Variants in XRCC4 observed in about 807,000 individuals in gnomAD.
XRCC4 encodes the protein X-ray repair cross complementing 4, also known as DNA repair protein XRCC4.
In XRCC4, 28 loss-of-function variants were observed where a neutral mutation model predicts 39.1. That is an observed-to-expected ratio of 0.72 (90% CI 0.53 to 0.98). XRCC4 has a LOEUF of 0.98. Among genes scored for constraint, XRCC4 ranks in the 50% least tolerant of loss-of-function variants. The probability of loss-of-function intolerance (pLI) is 0.00; values close to 1 mark genes in which losing one functional copy is unlikely to be tolerated. For missense variants in XRCC4, 350 were observed against 376.4 expected (o/e 0.93, Z 0.58); for synonymous variants, 123 against 126.4 (o/e 0.97, Z 0.18).
intron 7 of XRCC4, among the ~76,000 whole-genome samples, chr5:83,331,988 T>C (rs772255366): frequency 1.3e-4 from 20 of 152,074 alleles, no homozygotes; most frequent in Non-Finnish European, 2.5e-4. Flanking sequence ...CTAATAAACC[T>C]GGGACTGATG....
chr5:83,139,095 C>G (rs962464989), intron 3 of XRCC4, among the ~76,000 whole-genome samples: 1 of 152,108 alleles, frequency 6.6e-6, no homozygotes, highest in Admixed American at 6.5e-5. Context: ...AGTTGTCCCA[C>G]TAAAGATCTT....
chr5:83,155,970 C>G (rs1748939368), intron 3 of XRCC4, among the ~76,000 whole-genome samples: 1 of 152,050 alleles, frequency 6.6e-6, no homozygotes, highest in African/African-American at 2.4e-5. Context: ...CTCTCACTCT[C>G]AAGCCTGGTA....
chr5:83,079,260 G>A (rs1744824305), intron 1 of XRCC4, among the ~76,000 whole-genome samples: 1 of 152,200 alleles, frequency 6.6e-6, no homozygotes, highest in Non-Finnish European at 1.5e-5. Flanking sequence ...AAACACATAT[G>A]CCAATAAATG....
chr5:83,157,796 C>A (rs893984630), intron 3 of XRCC4, among the ~76,000 whole-genome samples: 6 of 151,726 alleles, frequency 4.0e-5, no homozygotes, highest in Non-Finnish European at 7.4e-5. Context: ...GATGATCAAT[C>A]CAGGAAGTTT....
intron 4 of XRCC4, 149 bp downstream of exon 4, chr5:83,196,085 T>C (rs1750934058): frequency 9.2e-6 from 7 of 761,228 alleles, no homozygotes; most frequent in Non-Finnish European, 1.3e-5. Flanking sequence ...AAATTATTCA[T>C]CACTATTGTA....
chr5:83,325,083 G>A (rs1003801007), intron 7 of XRCC4, among the ~76,000 whole-genome samples: 1 of 151,952 alleles, frequency 6.6e-6, no homozygotes, highest in Non-Finnish European at 1.5e-5. Flanking sequence ...TCCCTAGTAT[G>A]AGCTTTTGCT....
At chr5:83,103,117 G>GA (rs1486011117) in intron 1 of XRCC4, among the ~76,000 whole-genome samples, 1 of 150,224 alleles carries the variant, frequency 6.7e-6, no homozygotes, top group Non-Finnish European at 1.5e-5. Context: ...GTGCCACCAT[G>GA]AAAAAAGCTG....
chr5:83,368,650 C>T, the XRCC4 span, among the ~76,000 whole-genome samples: 6 of 152,218 alleles, frequency 3.9e-5, no homozygotes, highest in African/African-American at 1.4e-4. Context: ...CTTACAAAAA[C>T]TGTGGGTCAT....
chr5:83,368,077 G>GA, the XRCC4 span, among the ~76,000 whole-genome samples: 27,621 of 142,138 alleles, frequency 0.19, 3,354 homozygotes, highest in East Asian at 0.61. Context: ...ACCCCAATAA[G>GA]AAAAAAAAAA....
intron 7 of XRCC4, among the ~76,000 whole-genome samples, chr5:83,282,781 G>T (rs1394310747): frequency 3.3e-5 from 5 of 152,108 alleles, no homozygotes; most frequent in African/African-American, 1.2e-4. Flanking sequence ...GGTGGAGCTT[G>T]CAGTGAGCCG....
intron 1 of XRCC4, among the ~76,000 whole-genome samples, chr5:83,083,169 T>C (rs1362745854): frequency 6.6e-6 from 1 of 151,930 alleles, no homozygotes; most frequent in Non-Finnish European, 1.5e-5. Flanking sequence ...CTTCAGCGCT[T>C]ATCATTATTC....
intron 7 of XRCC4, among the ~76,000 whole-genome samples, chr5:83,261,753 C>T (rs924025867): frequency 7.3e-5 from 11 of 151,426 alleles, no homozygotes; most frequent in African/African-American, 2.4e-4. Context: ...GTATATTTAA[C>T]TCTTCACCAC....
At chr5:83,308,162 A>G (rs186932429) in intron 7 of XRCC4, among the ~76,000 whole-genome samples, 14 of 152,290 alleles carry the variant, frequency 9.2e-5, no homozygotes, top group Non-Finnish European at 1.6e-4. Flanking sequence ...GATATCTACA[A>G]TATTTCATTT....
chr5:83,244,578 C>CT (rs5869171), intron 6 of XRCC4, among the ~76,000 whole-genome samples: 152,292 of 152,310 alleles, frequency 1, 76,137 homozygotes, highest in Middle Eastern at 1. Flanking sequence ...ATGATAACTC[C>CT]TTTGGGGCTC....
intron 1 of XRCC4, among the ~76,000 whole-genome samples, chr5:83,082,618 A>G (rs1744997733): frequency 1.3e-5 from 2 of 152,218 alleles, no homozygotes; most frequent in Admixed American, 1.3e-4. Flanking sequence ...TTGGCCTACA[A>G]TAGTCTACAT....
At chr5:83,116,106 A>G (rs1211967199) in intron 3 of XRCC4, among the ~76,000 whole-genome samples, 1 of 152,168 alleles carries the variant, frequency 6.6e-6, no homozygotes, top group Non-Finnish European at 1.5e-5. Flanking sequence ...TCTGCAGACA[A>G]TGGGAAACAT....
chr5:83,123,620 CTG>C (rs918879677), intron 3 of XRCC4, among the ~76,000 whole-genome samples: 22 of 151,990 alleles, frequency 1.4e-4, no homozygotes, highest in Admixed American at 9.2e-4. Flanking sequence ...TTGTTCCTCT[CTG>C]TTTTATTTTG....
chr5:83,187,801 G>A lies in XRCC4; in HGVS notation c.316-7969G>A, dbSNP rs536084169. Among the ~76,000 whole-genome samples, 7 of 152,220 alleles carry A rather than the reference G, an allele frequency of 4.6e-5. No individual in the cohort carries two copies. The South Asian group carries it at 1.5e-3, about 32-fold the overall frequency. Reference sequence around the variant, plus strand: ...AGTACAGCAACCATTAGCTATATGTGGCTGTTGAACACTAAAATGTGACTT... The same window carrying A: ...AGTACAGCAACCATTAGCTATATGTAGCTGTTGAACACTAAAATGTGACTT... On this transcript the variant is annotated intron_variant, in intron 3 of 7. Transcript: ENST00000396027.
chr5:83,148,615 A>G (rs762622937), intron 3 of XRCC4, among the ~76,000 whole-genome samples: 5 of 152,116 alleles, frequency 3.3e-5, no homozygotes, highest in African/African-American at 7.2e-5. Context: ...TCCGTCTTCA[A>G]TTTTCAATAG....
Sources: gnomAD v4.1 joint callset for allele counts (sites outside exome capture counted in the v4.1 genomes callset) on GRCh38, gnomAD v4.1.1 for gene constraint, MANE v1.5 for transcripts, NCBI Gene and HGNC (gene_info 2026-07-23, HGNC 2026-07-21) for gene names.